The following CEP295 variants were observed in gnomAD, a reference collection of about 807,000 sequenced individuals.
CEP295 encodes centrosomal protein 295, also known as centrosomal protein of 295 kDa.
Under a neutral mutation model 291.6 loss-of-function variants are expected in CEP295, and 190 were observed. The observed-to-expected ratio is 0.65, with a 90% CI of 0.58 to 0.73. The LOEUF is 0.73. Ranked by LOEUF, CEP295 falls within the 30% of genes least tolerant of loss-of-function variation. The pLI, the probability that CEP295 is intolerant of heterozygous loss-of-function variation, is 0.00. For missense variants in CEP295, 2,863 were observed against 2,949.4 expected, an observed-to-expected ratio of 0.97 and a Z score of 0.68; for synonymous variants, 993 against 1,038.8, an observed-to-expected ratio of 0.96 and a Z score of 0.85.
At position 93,666,667 on chromosome 11, in the gene CEP295, C is replaced by T; in HGVS notation, c.-26-15C>T. On this transcript the variant is annotated splice_polypyrimidine_tract_variant and intron_variant, in intron 1 of 29. Coordinates refer to ENST00000325212, the MANE Select transcript of CEP295 (RefSeq NM_033395.2). ...GTTACATTATTTTTATAGACATTTT[C>T]CTTTTTGAATTCAGAACTGTCATAC... 2.1e-6 allele frequency: 2 copies of T among 933,084 alleles called. No individual in the cohort carries two copies. Among genetic ancestry groups the T allele is most frequent in the Non-Finnish European group, 3.2e-6 (2 of 618,750 alleles). 57.8% of individuals were successfully genotyped at this position (933,084 alleles called of 1,614,324 possible). A position where few individuals can be genotyped will look rare whatever the true frequency, so the allele number is the denominator to read the frequency against.
At chr11:93,662,623 G>A (rs1003676654) in intron 1 of CEP295, among the ~76,000 whole-genome samples, 1 of 152,196 alleles carries the variant, frequency 6.6e-6, no homozygotes, top group African/African-American at 2.4e-5. Flanking sequence ...GGGCAGCAGG[G>A]AAAACTTCCT....
intron 10 of CEP295, among the ~76,000 whole-genome samples, chr11:93,688,466 T>C (rs1467349170): frequency 2.0e-5 from 3 of 152,230 alleles, no homozygotes; most frequent in Non-Finnish European, 2.9e-5. Context: ...TTCTATGCTT[T>C]TGATAAGAGT....
chr11:93,692,489 T>C (rs1951613291), intron 12 of CEP295, among the ~76,000 whole-genome samples: 1 of 152,180 alleles, frequency 6.6e-6, no homozygotes, highest in Non-Finnish European at 1.5e-5. Flanking sequence ...AGCGCCCTTT[T>C]TTTGCTCCGT....
intron 17 of CEP295, among the ~76,000 whole-genome samples, chr11:93,703,925 A>G (rs1952352853): frequency 6.6e-6 from 1 of 151,868 alleles, no homozygotes; most frequent in Non-Finnish European, 1.5e-5. Flanking sequence ...CCCGCCACCA[A>G]GCCCAGCTAA....
rs772828192 is a variant in CEP295, at chr11:93,706,831, G to A, written c.5683G>A (p.Asp1895Asn). Residue 1895 changes from aspartate to asparagine, a missense_variant, in exon 18 of 30, where the codon GAT becomes AAT. Asp to Asn is a conservative substitution (Grantham distance 23). Coordinates refer to ENST00000325212, the MANE Select transcript of CEP295 (RefSeq NM_033395.2). ...TTTCTTTGGGAGCCCACTGGCCCATGATCCGTTTAGTTGTCTTCAACTGGT... is the reference window on the plus strand; with the variant it reads ...TTTCTTTGGGAGCCCACTGGCCCATAATCCGTTTAGTTGTCTTCAACTGGT... Reference protein sequence around the residue: ...QSFFGSPLAHDPFSCLQLVGQ... With the variant: ...QSFFGSPLAHNPFSCLQLVGQ... 19 of 1,550,646 alleles carry A rather than the reference G, an allele frequency of 1.2e-5. No individual in the cohort carries two copies. In the South Asian group the frequency reaches 2.3e-4, roughly 18 times the overall value.
Position 93,730,300 on chromosome 11 carries a change from T to C in CEP295, c.*31T>C. The C allele has an allele frequency of 1.4e-6, 2 of 1,434,786 alleles. No homozygotes were observed. Among genetic ancestry groups the C allele is most frequent in the African/African-American group, 2.8e-5 (2 of 70,578 alleles). 88.9% of individuals were successfully genotyped at this position (1,434,786 alleles called of 1,614,324 possible). On this transcript the variant is annotated 3_prime_UTR_variant, in exon 30 of 30. Transcript: ENST00000325212. ...TAGAAATAGTGTAAAGGTTTTTTAA[T>C]TGTGTATATGTAGCATTAGACAAAA...
intron 10 of CEP295, among the ~76,000 whole-genome samples, chr11:93,688,234 G>T (rs1207138714): frequency 6.6e-6 from 1 of 152,144 alleles, no homozygotes; most frequent in African/African-American, 2.4e-5. Flanking sequence ...AATAACTCCT[G>T]ATCAAAGGAT....
In CEP295 at chr11:93,668,649, A is replaced by G. The variant is rs75019101; in HGVS notation, c.310-159A>G. 5.1e-3 allele frequency among the ~76,000 whole-genome samples: 769 copies of G among 152,244 alleles called. 11 individuals carry two copies. The highest frequency in any genetic ancestry group is 0.017 in the African/African-American group (709 of 41,556). On this transcript the variant is annotated intron_variant, in intron 3 of 29. Coordinates refer to ENST00000325212, the MANE Select transcript of CEP295 (RefSeq NM_033395.2). ...AATGTTTGTGTTTGTCCCCCCTAAT[A>G]TGGCATATCATCAGTGGTACTGTTG...
Position 93,696,981 on chromosome 11 carries a change from CAG to C in CEP295, c.2071_2072del (p.Glu691AsnfsTer26). The C allele has an allele frequency of 1.9e-6, 3 of 1,551,706 alleles. No homozygotes were observed. Among genetic ancestry groups the C allele is most frequent in the Non-Finnish European group, 2.6e-6 (3 of 1,146,936 alleles). ...TTTCCACAAAGACAGGTGGAAACAA[CAG>C]AAACATTACGCGCTTCAGATATTTT... On this transcript the variant is annotated frameshift_variant, in exon 15 of 30. Coordinates refer to ENST00000325212, the MANE Select transcript of CEP295 (RefSeq NM_033395.2). LOFTEE classifies it high-confidence loss of function.
At chr11:93,712,790 T>C (rs1952995086) in intron 18 of CEP295, among the ~76,000 whole-genome samples, 1 of 152,152 alleles carries the variant, frequency 6.6e-6, no homozygotes, top group African/African-American at 2.4e-5. Context: ...TGATTTACTC[T>C]TGTCATTTTG....
chr11:93,709,463 G>T (rs574108041), intron 18 of CEP295, among the ~76,000 whole-genome samples: 185 of 152,260 alleles, frequency 1.2e-3, no homozygotes, highest in African/African-American at 4.2e-3. Context: ...GTAAATGTAT[G>T]AAATTGTTCC....
chr11:93,671,512 CGTATCTG>C (rs1478904923), intron 5 of CEP295, among the ~76,000 whole-genome samples: 1 of 152,138 alleles, frequency 6.6e-6, no homozygotes, highest in Non-Finnish European at 1.5e-5. Flanking sequence ...TACTCTGTCC[CGTATCTG>C]GTATCTCCAA....
At chr11:93,703,254 G>A (rs964746789) in intron 17 of CEP295, among the ~76,000 whole-genome samples, 8 of 151,724 alleles carry the variant, frequency 5.3e-5, no homozygotes, top group East Asian at 3.9e-4. Context: ...GTGAGCTACC[G>A]CACCTGGTCT....
chr11:93,668,671 G>A (rs1385979518), intron 3 of CEP295, 137 bp from the exon 4 acceptor site: 3 of 632,148 alleles, frequency 4.7e-6, no homozygotes, highest in African/African-American at 3.8e-5. Flanking sequence ...CAGTGGTACT[G>A]TTGTCATGCT....
At chr11:93,692,190 T>C (rs1951593936) in intron 12 of CEP295, among the ~76,000 whole-genome samples, 160 bp downstream of exon 12, 1 of 152,246 alleles carries the variant, frequency 6.6e-6, no homozygotes. Context: ...GCGTGTTGTC[T>C]TTGCCCATAC....
intron 1 of CEP295, among the ~76,000 whole-genome samples, chr11:93,664,849 T>C (rs1950137099): frequency 6.6e-6 from 1 of 152,236 alleles, no homozygotes; most frequent in African/African-American, 2.4e-5. Context: ...AAATATTACC[T>C]GGTAGTTATT....
rs766788060 is a variant in CEP295 at position 93,698,484 on chromosome 11, G to A, written c.3572G>A (p.Ser1191Asn). The change falls in exon 15 of 30, where the codon AGT becomes AAT. Residue 1191 changes from serine (S) to asparagine (N), a missense_variant. By Grantham distance (46) the Ser-to-Asn change is conservative. Around this residue, in one of 3 missense-constraint regions of CEP295, gnomAD observed 2,295 missense variants for 2,335.7 expected, o/e 0.98. Transcript: ENST00000325212. ...ACTCAGGAATTTGTACACACAGAAA[G>A]TGAATTGGAGAAAAGAATTTCTTCT... ...EGTQEFVHTESELEKRISSEQ... is the reference protein window; with the variant it reads ...EGTQEFVHTENELEKRISSEQ... The A allele has an allele frequency of 1.5e-4, 239 of 1,551,874 alleles. No individual in the cohort carries two copies. Among genetic ancestry groups the A allele is most frequent in the Non-Finnish European group, 2.0e-4 (229 of 1,147,050 alleles).
rs183895862 is a variant in CEP295 at position 93,704,984 on chromosome 11, C to T, written c.5597-1761C>T. ...GGTGATACATAGACCTTTTTTGCTG[C>T]GGAGTCCATTAGTATATTATGTTAT... On this transcript the variant is annotated intron_variant, in intron 17 of 29. Coordinates refer to ENST00000325212, the MANE Select transcript of CEP295 (RefSeq NM_033395.2). 6.2e-3 allele frequency among the ~76,000 whole-genome samples: 939 copies of T among 152,010 alleles called. 13 individuals carry two copies. Among genetic ancestry groups the T allele is most frequent in the African/African-American group, 0.02 (847 of 41,470 alleles).
At chr11:93,721,829 T>G in intron 19 of CEP295, 125 bp from the exon 20 acceptor site, 1 of 745,450 alleles carries the variant, frequency 1.3e-6, no homozygotes, top group Non-Finnish European at 2.4e-6. Flanking sequence ...CTACTGATCT[T>G]TGTAACTATG....
Sources: allele counts gnomAD v4.1 joint callset (sites outside exome capture counted in the v4.1 genomes callset), GRCh38; gene constraint gnomAD v4.1.1; regional missense constraint gnomAD v4.1.1; transcripts MANE v1.5; gene names NCBI Gene and HGNC (gene_info 2026-07-23, HGNC 2026-07-21).